NLN: variants seen among roughly 807,000 people sequenced by gnomAD.
NLN encodes neurolysin.
Under a neutral mutation model 79.9 loss-of-function variants are expected in NLN, and 64 were observed. The ratio of observed to expected loss-of-function variants is 0.80; its 90% CI spans 0.65 to 0.99. The LOEUF (loss-of-function observed/expected upper bound fraction) is 0.99, where lower values mean the gene tolerates loss of function less well. NLN is among the 50% of genes least tolerant of loss of function. The pLI is 0.00. For synonymous variants in NLN, 267 were observed against 296.6 expected (o/e 0.90, Z 1.02); for missense variants, 835 against 858.7 (o/e 0.97, Z 0.34).
chr5:65,749,642 C>T (rs546318268), intron 1 of NLN, among the ~76,000 whole-genome samples: 1 of 152,304 alleles, frequency 6.6e-6, no homozygotes, highest in East Asian at 1.9e-4. Context: ...TGTGAAAGGA[C>T]ACAGAGCAGA....
chr5:65,792,024 C>T (rs1032430406), intron 8 of NLN, among the ~76,000 whole-genome samples: 13 of 152,156 alleles, frequency 8.5e-5, no homozygotes, highest in African/African-American at 3.1e-4. Flanking sequence ...AAAACCTTAT[C>T]GTCAGAAATT....
intron 1 of NLN, among the ~76,000 whole-genome samples, chr5:65,738,968 T>TATAAATATATAATATATATA (rs1459366514): frequency 0.077 from 4,534 of 59,102 alleles, 440 homozygotes; most frequent in South Asian, 0.11. Context: ...TATGTATATA[T>TATAAATATATAATATATATA]AAATATATAT....
In NLN at chr5:65,792,472, T is replaced by A; in HGVS notation, c.1344T>A (p.His448Gln). 4 of 1,613,870 alleles carry A rather than the reference T, an allele frequency of 2.5e-6. No individual in the cohort carries two copies. The highest frequency in any genetic ancestry group is 3.4e-6 in the Non-Finnish European group (4 of 1,179,840). Residue 448 changes from histidine to glutamine, a missense_variant, in exon 9 of 13, where the codon CAT becomes CAA. By Grantham distance (24) the His-to-Gln change is conservative. Coordinates refer to ENST00000380985, the MANE Select transcript of NLN (RefSeq NM_020726.5). ...CTCCTAGGGAAGGAAAATACAATCA[T>A]GCGGCCTGCTTCGGTCTCCAGCCTG... The part of the protein sequence containing the change: ...DLYPREGKYN[H>Q]AACFGLQPGC...
At chr5:65,788,890 T>A (rs1410753145) in intron 8 of NLN, among the ~76,000 whole-genome samples, 1 of 151,848 alleles carries the variant, frequency 6.6e-6, no homozygotes, top group Non-Finnish European at 1.5e-5. Context: ...GAGGATCACT[T>A]GAGCCTCAGA....
intron 1 of NLN, among the ~76,000 whole-genome samples, chr5:65,731,055 A>G (rs1255884950): frequency 2.6e-5 from 4 of 152,210 alleles, no homozygotes; most frequent in Non-Finnish European, 5.9e-5. Flanking sequence ...TCAGTCAGCC[A>G]TGGGTTGTGT....
chr5:65,734,606 G>C (rs1341712975), intron 1 of NLN, among the ~76,000 whole-genome samples: 1 of 151,378 alleles, frequency 6.6e-6, no homozygotes, highest in Non-Finnish European at 1.5e-5. Flanking sequence ...CTTCCTGTTT[G>C]GCATTCAAGA....
chr5:65,770,630 C>T (rs1759547094), intron 3 of NLN, among the ~76,000 whole-genome samples: 2 of 152,150 alleles, frequency 1.3e-5, no homozygotes, highest in Admixed American at 6.5e-5. Flanking sequence ...AAAGTTGGAG[C>T]TTACATTCTC....
intron 9 of NLN, among the ~76,000 whole-genome samples, chr5:65,798,052 GAAGCGAAAGAC>G (rs926386495): frequency 2.5e-4 from 38 of 152,246 alleles, no homozygotes; most frequent in African/African-American, 6.7e-4. Flanking sequence ...TAACCCCCAG[GAAGCGAAAGAC>G]AAGCGAAAGA....
chr5:65,811,288 C>T (rs983880070), intron 11 of NLN, among the ~76,000 whole-genome samples: 1 of 152,108 alleles, frequency 6.6e-6, no homozygotes, highest in Non-Finnish European at 1.5e-5. Context: ...AGCCATAGTG[C>T]ACCTTTGTGT....
intron 1 of NLN, among the ~76,000 whole-genome samples, chr5:65,732,005 C>T (rs914591316): frequency 1.3e-5 from 2 of 152,088 alleles, no homozygotes; most frequent in Non-Finnish European, 2.9e-5. Flanking sequence ...TCCACCTCAG[C>T]CTCCCAAAGT....
At chr5:65,759,648 G>A (rs923948470) in intron 2 of NLN, among the ~76,000 whole-genome samples, 1 of 152,094 alleles carries the variant, frequency 6.6e-6, no homozygotes, top group African/African-American at 2.4e-5. Flanking sequence ...ACTGCAGGAG[G>A]ATTCTCCCTT....
At chr5:65,785,045 A>G (rs753651929) in intron 6 of NLN, among the ~76,000 whole-genome samples, 12 of 152,202 alleles carry the variant, frequency 7.9e-5, no homozygotes, top group Non-Finnish European at 1.8e-4. Context: ...TTGTATATAT[A>G]TACCACATTT....
Position 65,733,332 on chromosome 5 carries a change from C to A in NLN, c.41+10918C>A, listed in dbSNP as rs367966666. 7 of 1,425,944 alleles carry A rather than the reference C, an allele frequency of 4.9e-6. 1 individual carries two copies. Among genetic ancestry groups the A allele is most frequent in the Non-Finnish European group, 6.8e-6 (7 of 1,031,610 alleles). The allele number at this position is 1,425,944 out of a possible 1,614,324, so 88.3% of individuals were successfully genotyped here. A position where few individuals can be genotyped will look rare whatever the true frequency, so the allele number is the denominator to read the frequency against. ...TCAGATCCAGGACTCCCAACTCAGG[C>A]TCCTCCTGCCTGCCCTGAGCCACTG... is the stretch of plus-strand genomic sequence containing the variant. On this transcript the variant is annotated intron_variant, in intron 1 of 12. Transcript: ENST00000380985.
intron 7 of NLN, among the ~76,000 whole-genome samples, chr5:65,787,507 A>G (rs1369217379): frequency 6.6e-6 from 1 of 152,148 alleles, no homozygotes; most frequent in East Asian, 1.9e-4. Context: ...AAATAAATAC[A>G]TAAGACCATA....
chr5:65,758,099 G>A (rs554532479), intron 1 of NLN, among the ~76,000 whole-genome samples: 3 of 152,024 alleles, frequency 2.0e-5, no homozygotes, highest in Non-Finnish European at 2.9e-5. Flanking sequence ...GCTCGGCATG[G>A]TGGTATGTCC....
chr5:65,789,788 T>G (rs1365540515), intron 8 of NLN, among the ~76,000 whole-genome samples: 2 of 152,196 alleles, frequency 1.3e-5, no homozygotes, highest in Non-Finnish European at 2.9e-5. Flanking sequence ...AAAATATTTA[T>G]TAGATAATCT....
chr5:65,757,535 ACAATAAATGTTAGCTAC>A (rs1759246771), intron 1 of NLN, among the ~76,000 whole-genome samples: 1 of 152,202 alleles, frequency 6.6e-6, no homozygotes, highest in African/African-American at 2.4e-5. Context: ...GCCTGAACAG[ACAATAAATGTTAGCTAC>A]TAAATATAAC....
At position 65,824,586 on chromosome 5, in the gene NLN, C is replaced by G. The variant is rs931979708; in HGVS notation, c.*1671C>G. 1.3e-5 allele frequency: 2 copies of G among 152,178 alleles called. No homozygotes were observed. 9.4% of individuals were successfully genotyped at this position (152,178 alleles called of 1,614,324 possible). A position where few individuals can be genotyped will look rare whatever the true frequency, so the allele number is the denominator to read the frequency against. ...AACTCTTCAGCTTTTTCCAGTGTGTCTCCTTAACAGTAACTTTACCACTTG... is the reference window on the plus strand; with the variant it reads ...AACTCTTCAGCTTTTTCCAGTGTGTGTCCTTAACAGTAACTTTACCACTTG... On this transcript the variant is annotated 3_prime_UTR_variant, in exon 13 of 13. Transcript: ENST00000380985.
At chr5:65,751,171 C>A (rs1473809089) in intron 1 of NLN, among the ~76,000 whole-genome samples, 4 of 152,088 alleles carry the variant, frequency 2.6e-5, no homozygotes, top group Non-Finnish European at 4.4e-5. Flanking sequence ...AGAATTGGGA[C>A]AAATTTCTGG....
Sources: gnomAD v4.1 joint callset for allele counts (sites outside exome capture counted in the v4.1 genomes callset) on GRCh38, gnomAD v4.1.1 for gene constraint, MANE v1.5 for transcripts, NCBI Gene and HGNC (gene_info 2026-07-23, HGNC 2026-07-21) for gene names.